RAB38: variants seen among roughly 807,000 people sequenced by gnomAD.
The protein encoded by RAB38 is ras-related protein Rab-38.
Under a neutral mutation model 18.4 loss-of-function variants are expected in RAB38, and 15 were observed. That is an observed-to-expected ratio of 0.82 (90% CI 0.55 to 1.26). The LOEUF (loss-of-function observed/expected upper bound fraction) is 1.26. Ranked by LOEUF, RAB38 falls within the 50% of genes most tolerant of loss-of-function variation. The pLI is 0.00. For synonymous variants in RAB38, 101 were observed against 104.4 expected, an observed-to-expected ratio of 0.97 and a Z score of 0.20; for missense variants, 294 against 267.4, an observed-to-expected ratio of 1.10 and a Z score of -0.69.
chr11:87,874,542 T>C, the RAB38 span, among the ~76,000 whole-genome samples: 1 of 151,312 alleles, frequency 6.6e-6, no homozygotes, highest in African/African-American at 2.4e-5. Flanking sequence ...GAGGTATACC[T>C]AATGTAAATG....
At chr11:88,006,121 G>A in the RAB38 span, among the ~76,000 whole-genome samples, 1 of 151,246 alleles carries the variant, frequency 6.6e-6, no homozygotes, top group Non-Finnish European at 1.5e-5. Context: ...CAAAGGACCT[G>A]AATAGACATT....
the RAB38 span, among the ~76,000 whole-genome samples, chr11:88,028,082 G>A: frequency 6.6e-6 from 1 of 152,202 alleles, no homozygotes; most frequent in African/African-American, 2.4e-5. Context: ...AAAAACCACT[G>A]TTCTGCAGAC....
chr11:87,950,619 G>A, the RAB38 span, among the ~76,000 whole-genome samples: 1 of 152,090 alleles, frequency 6.6e-6, no homozygotes, highest in Non-Finnish European at 1.5e-5. Context: ...TGTCTGTAAA[G>A]GATTTTATTT....
chr11:87,879,517 T>G, the RAB38 span: 1 of 151,720 alleles, frequency 6.6e-6, no homozygotes, highest in Non-Finnish European at 1.5e-5. Flanking sequence ...TAAGAGCTTA[T>G]GCAGTGGACT....
chr11:87,853,934 T>TG, the RAB38 span, among the ~76,000 whole-genome samples: 3 of 152,314 alleles, frequency 2.0e-5, 1 homozygote, highest in African/African-American at 7.2e-5. Context: ...GACCATCAGC[T>TG]GAGGGTCTTT....
the RAB38 span, among the ~76,000 whole-genome samples, chr11:87,845,709 A>G: frequency 1.3e-5 from 2 of 152,146 alleles, no homozygotes; most frequent in African/African-American, 4.8e-5. Flanking sequence ...AATCCTAAAA[A>G]TAATAAACTC....
the RAB38 span, among the ~76,000 whole-genome samples, chr11:88,017,362 C>A: frequency 2.8e-5 from 2 of 71,802 alleles, no homozygotes; most frequent in South Asian, 4.0e-4. Context: ...TATATAGACA[C>A]ATACACACAC....
chr11:88,062,143 T>C, the RAB38 span: 1 of 152,104 alleles, frequency 6.6e-6, no homozygotes, highest in African/African-American at 2.4e-5. Flanking sequence ...CCCACCGAAA[T>C]CTCATCTTAA....
At chr11:87,897,094 AC>A in the RAB38 span, among the ~76,000 whole-genome samples, 1 of 151,582 alleles carries the variant, frequency 6.6e-6, no homozygotes, top group Non-Finnish European at 1.5e-5. Flanking sequence ...GAAGTTAGGT[AC>A]TTTTAAAGTG....
At chr11:88,025,679 T>C in the RAB38 span, among the ~76,000 whole-genome samples, 62 of 152,350 alleles carry the variant, frequency 4.1e-4, 1 homozygote, top group South Asian at 0.013. Context: ...TGTCTTCTTT[T>C]GAAAAGTGTT....
At chr11:87,828,708 A>G in the RAB38 span, among the ~76,000 whole-genome samples, 1 of 152,140 alleles carries the variant, frequency 6.6e-6, no homozygotes, top group Non-Finnish European at 1.5e-5. Flanking sequence ...TTTTTGGGTA[A>G]TTTATTCTTC....
chr11:88,166,906 T>C (rs1047782435), intron 1 of RAB38: 1 of 152,182 alleles, frequency 6.6e-6, no homozygotes, highest in Non-Finnish European at 1.5e-5. Context: ...TTTAGATCAA[T>C]GATATGTCTT....
At chr11:88,006,594 A>AAT in the RAB38 span, among the ~76,000 whole-genome samples, 72 of 140,226 alleles carry the variant, frequency 5.1e-4, no homozygotes, top group South Asian at 0.016. Context: ...ATATGTATAT[A>AAT]ATATATATAC....
At chr11:87,858,376 AAT>A in the RAB38 span, among the ~76,000 whole-genome samples, 13 of 152,034 alleles carry the variant, frequency 8.6e-5, no homozygotes, top group African/African-American at 2.4e-4. Flanking sequence ...GAGTTAACCA[AAT>A]GCTCCAAGGA....
At chr11:88,164,325 C>T (rs1427969053) in intron 1 of RAB38, among the ~76,000 whole-genome samples, 2 of 145,230 alleles carry the variant, frequency 1.4e-5, no homozygotes, top group East Asian at 2.0e-4. Flanking sequence ...AAGGCAAATA[C>T]GGTAGTACTC....
the RAB38 span, among the ~76,000 whole-genome samples, chr11:87,935,812 G>T: frequency 6.6e-6 from 1 of 152,044 alleles, no homozygotes; most frequent in Non-Finnish European, 1.5e-5. Flanking sequence ...GTCATTTGAA[G>T]AATGATATGT....
rs141791960 is a variant in RAB38, at chr11:88,117,068, T to C, written c.484-2928A>G. The stretch of plus-strand genomic sequence containing the variant: ...AACACACCAAGTAAAGTCTAGATGG[T>C]ATTAGGCCTAGGAGAGCGGACCATG... On this transcript the variant is annotated intron_variant, in intron 2 of 2. Coordinates refer to ENST00000243662, the MANE Select transcript of RAB38 (RefSeq NM_022337.3). 5.4e-4 allele frequency among the ~76,000 whole-genome samples: 82 copies of C among 152,204 alleles called. 2 individuals are homozygous for C. The Middle Eastern group carries it at 0.01, about 19-fold the overall frequency.
chr11:88,042,350 A>G, the RAB38 span, among the ~76,000 whole-genome samples: 1 of 152,114 alleles, frequency 6.6e-6, no homozygotes, highest in East Asian at 1.9e-4. Context: ...CTTCTCTAGG[A>G]TGTGTTGAGA....
At chr11:88,119,749 T>C (rs1010752959) in intron 2 of RAB38, among the ~76,000 whole-genome samples, 3 of 151,570 alleles carry the variant, frequency 2.0e-5, no homozygotes, top group African/African-American at 4.9e-5. Context: ...CCTCCCATAA[T>C]CTTTCCAAAT....
Sources: gnomAD v4.1 joint callset for allele counts (sites outside exome capture counted in the v4.1 genomes callset) on GRCh38, gnomAD v4.1.1 for gene constraint, MANE v1.5 for transcripts, NCBI Gene and HGNC (gene_info 2026-07-23, HGNC 2026-07-21) for gene names.